CCDC175: variants seen among roughly 807,000 people sequenced by gnomAD.
CCDC175 encodes coiled-coil domain containing 175, also known as coiled-coil domain-containing protein 175.
Under a neutral mutation model 114.6 loss-of-function variants are expected in CCDC175, and 100 were observed. The ratio of observed to expected loss-of-function variants is 0.87; its 90% CI spans 0.74 to 1.03. The LOEUF is 1.03. Ranked by LOEUF, CCDC175 falls within the 50% of genes least tolerant of loss-of-function variation. The probability of loss-of-function intolerance (pLI) is 0.00; values close to 1 mark genes in which losing one functional copy is unlikely to be tolerated. For missense variants in CCDC175, 880 were observed against 917.8 expected (o/e 0.96, Z 0.53); for synonymous variants, 306 against 308.7 (o/e 0.99, Z 0.09).
At chr14:59,544,405 T>C in intron 9 of CCDC175, among the ~76,000 whole-genome samples, 1 of 152,256 alleles carries the variant, frequency 6.6e-6, no homozygotes, top group African/African-American at 2.4e-5. Flanking sequence ...GAGAAAATAA[T>C]GAGGCTCAGA....
At chr14:59,543,888 T>C (rs17834202) in intron 9 of CCDC175, among the ~76,000 whole-genome samples, 16,483 of 152,228 alleles carry the variant, frequency 0.11, 976 homozygotes, top group African/African-American at 0.15. Flanking sequence ...AACAGTTGTG[T>C]AGTGCTCCAT....
intron 17 of CCDC175, among the ~76,000 whole-genome samples, chr14:59,514,104 T>A (rs1319238826): frequency 1.3e-5 from 2 of 152,028 alleles, no homozygotes; most frequent in African/African-American, 4.8e-5. Flanking sequence ...CAGCTGAAGG[T>A]CCTGACTGTT....
chr14:59,564,384 A>T (rs1896398114), intron 5 of CCDC175: 1 of 153,158 alleles, frequency 6.5e-6, no homozygotes, highest in Non-Finnish European at 1.5e-5. Context: ...CACTTGTTAG[A>T]CCCTAATGAA....
chr14:59,513,896 C>T (rs12586669), intron 17 of CCDC175, among the ~76,000 whole-genome samples: 69,827 of 152,028 alleles, frequency 0.46, 18,468 homozygotes, highest in East Asian at 0.81. Context: ...CCCCGAGTAG[C>T]GTAACTGGGA....
At chr14:59,569,636 A>C (rs1331176088) in intron 3 of CCDC175, among the ~76,000 whole-genome samples, 1 of 152,242 alleles carries the variant, frequency 6.6e-6, no homozygotes, top group East Asian at 1.9e-4. Context: ...CCTTTGGTGT[A>C]GATTCTTCTA....
At chr14:59,569,537 C>G (rs1415666284) in intron 3 of CCDC175, among the ~76,000 whole-genome samples, 3 of 152,112 alleles carry the variant, frequency 2.0e-5, no homozygotes, top group Non-Finnish European at 4.4e-5. Flanking sequence ...TTTCCCCCTT[C>G]TAAAATATGT....
chr14:59,540,605 A>C, intron 11 of CCDC175, 70 bp downstream of exon 11: 1 of 1,461,376 alleles, frequency 6.8e-7, no homozygotes, highest in East Asian at 2.5e-5. Flanking sequence ...TGCACTGTTC[A>C]TTAAGATAAC....
intron 7 of CCDC175, among the ~76,000 whole-genome samples, chr14:59,552,187 C>A (rs1338558962): frequency 6.6e-6 from 1 of 152,246 alleles, no homozygotes; most frequent in African/African-American, 2.4e-5. Context: ...GGGTCCCTGA[C>A]CCCCGAGTAG....
chr14:59,516,577 G>A (rs188284101), intron 17 of CCDC175, among the ~76,000 whole-genome samples: 1 of 152,304 alleles, frequency 6.6e-6, no homozygotes, highest in East Asian at 1.9e-4. Context: ...AGAATAAATG[G>A]ATAAATTCCT....
intron 7 of CCDC175, 49 bp downstream of exon 7, chr14:59,561,068 CAT>C (rs1394629429): frequency 2.8e-5 from 25 of 891,418 alleles, no homozygotes; most frequent in Non-Finnish European, 4.0e-5. Flanking sequence ...TATATTATAT[CAT>C]ATTAACATAT....
chr14:59,552,541 A>G (rs915343309), intron 7 of CCDC175, among the ~76,000 whole-genome samples: 3 of 152,232 alleles, frequency 2.0e-5, no homozygotes, highest in Admixed American at 6.5e-5. Flanking sequence ...AAAAGCTGAA[A>G]ATTCTAAAAA....
At chr14:59,526,471 G>A (rs1484182424) in intron 15 of CCDC175, among the ~76,000 whole-genome samples, 2 of 151,200 alleles carry the variant, frequency 1.3e-5, no homozygotes, top group African/African-American at 4.9e-5. Context: ...GCCAGAAATC[G>A]CTTGAACCTG....
At chr14:59,574,858 T>C in intron 2 of CCDC175, 85 bp downstream of exon 2, 1 of 712,150 alleles carries the variant, frequency 1.4e-6, no homozygotes, top group Non-Finnish European at 2.3e-6. Context: ...ATCTACTTAA[T>C]ACTTTGAACA....
At chr14:59,511,632 G>A in intron 18 of CCDC175, 128 bp downstream of exon 18, 2 of 523,510 alleles carry the variant, frequency 3.8e-6, no homozygotes, top group South Asian at 4.0e-5. Context: ...GAGAGCTAGT[G>A]TGAATTTCCA....
chr14:59,555,125 T>A lies in CCDC175; in HGVS notation c.954-3689A>T, dbSNP rs546409693. Among the ~76,000 whole-genome samples the A allele has an allele frequency of 2.0e-5, 3 of 152,304 alleles. No homozygotes were observed. The East Asian group carries it at 5.8e-4, about 29-fold the overall frequency. ...CCTAACTCATTTTATGAGGCCAGCA[T>A]CATCCTGATACCAAAGCCTGGCAGA... On this transcript the variant is annotated intron_variant, in intron 7 of 19. Coordinates refer to ENST00000537690, the MANE Select transcript of CCDC175 (RefSeq NM_001164399.2).
chr14:59,543,699 G>T (rs1894929965), intron 9 of CCDC175, among the ~76,000 whole-genome samples: 1 of 151,924 alleles, frequency 6.6e-6, no homozygotes, highest in African/African-American at 2.4e-5. Flanking sequence ...TCCCTGTGTT[G>T]CCCAGGCTGG....
intron 3 of CCDC175, among the ~76,000 whole-genome samples, chr14:59,569,529 T>G (rs919572668): frequency 6.6e-6 from 1 of 152,176 alleles, no homozygotes; most frequent in Non-Finnish European, 1.5e-5. Flanking sequence ...TATGGTATTT[T>G]CCCCCTTCTA....
At chr14:59,559,807 T>C (rs760646504) in intron 7 of CCDC175, among the ~76,000 whole-genome samples, 5 of 152,194 alleles carry the variant, frequency 3.3e-5, no homozygotes, top group African/African-American at 4.8e-5. Context: ...AAAGCACTTT[T>C]CTTTGGTGAG....
intron 19 of CCDC175, among the ~76,000 whole-genome samples, chr14:59,508,063 G>A (rs983314132): frequency 3.9e-5 from 6 of 152,176 alleles, no homozygotes; most frequent in African/African-American, 1.2e-4. Context: ...TTCTAAGAAT[G>A]CAGTCTTACA....
Sources: gnomAD v4.1 joint callset for allele counts (sites outside exome capture counted in the v4.1 genomes callset) on GRCh38, gnomAD v4.1.1 for gene constraint, MANE v1.5 for transcripts, NCBI Gene and HGNC (gene_info 2026-07-23, HGNC 2026-07-21) for gene names.